Variants in GALNT2 observed in about 807,000 individuals in gnomAD.
GALNT2 encodes the protein UDP-GalNAc:polypeptide N-acetylgalactosaminyltransferase 2.
A neutral mutation model predicts 81.4 loss-of-function variants in GALNT2; 31 were observed. That is an observed-to-expected ratio of 0.38 (90% CI 0.29 to 0.51). The LOEUF is 0.51. Among genes scored for constraint, GALNT2 ranks in the 20% least tolerant of loss-of-function variants. GALNT2 has a pLI of 0.87. For synonymous variants in GALNT2, 303 were observed against 287.4 expected, an observed-to-expected ratio of 1.05 and a Z score of -0.55; for missense variants, 629 against 765.7, an observed-to-expected ratio of 0.82 and a Z score of 2.11.
chr1:230,258,917 T>C (rs1665797099), intron 11 of GALNT2: 1 of 152,204 alleles, frequency 6.6e-6, no homozygotes, highest in African/African-American at 2.4e-5. Flanking sequence ...TTGCACTCTT[T>C]GTTAGAAGAG....
intron 1 of GALNT2, among the ~76,000 whole-genome samples, chr1:230,143,387 T>C (rs990833999): frequency 6.6e-6 from 1 of 152,184 alleles, no homozygotes; most frequent in Non-Finnish European, 1.5e-5. Flanking sequence ...CTGGAGACAT[T>C]CGAGAGCAGA....
At chr1:230,240,161 A>G (rs1434843537) in intron 6 of GALNT2, among the ~76,000 whole-genome samples, 6 of 152,186 alleles carry the variant, frequency 3.9e-5, no homozygotes, top group Admixed American at 3.9e-4. Context: ...TAGCCCGAAT[A>G]ATTTTCTTTA....
intron 1 of GALNT2, among the ~76,000 whole-genome samples, chr1:230,096,281 G>A (rs1449942824): frequency 3.9e-5 from 6 of 152,210 alleles, no homozygotes; most frequent in Non-Finnish European, 7.3e-5. Flanking sequence ...TTAATTATGT[G>A]CTTATCTGTG....
chr1:230,058,993 C>A (rs186068277), intron 1 of GALNT2, among the ~76,000 whole-genome samples: 1 of 152,252 alleles, frequency 6.6e-6, no homozygotes, highest in Admixed American at 6.5e-5. Context: ...GAGGGGCGTG[C>A]GAACGAGTTC....
chr1:230,146,041 C>T (rs910972854), intron 1 of GALNT2, among the ~76,000 whole-genome samples: 3 of 152,130 alleles, frequency 2.0e-5, no homozygotes, highest in African/African-American at 7.2e-5. Context: ...TGTGAGGGTT[C>T]TTTTTTCTCT....
At chr1:230,115,006 CTTT>C (rs10666711) in intron 1 of GALNT2, among the ~76,000 whole-genome samples, 1 of 129,334 alleles carries the variant, frequency 7.7e-6, no homozygotes, top group Admixed American at 8.2e-5. Flanking sequence ...AGGGTTCACT[CTTT>C]TTTTTTTTTT....
chr1:230,105,011 T>C (rs1006364809), intron 1 of GALNT2, among the ~76,000 whole-genome samples: 3 of 152,216 alleles, frequency 2.0e-5, no homozygotes, highest in Non-Finnish European at 4.4e-5. Flanking sequence ...AGTGGCGCTG[T>C]GGATTCAGAC....
rs749391331 is a variant in GALNT2, at chr1:230,155,841, A to C, written c.127-22377A>C. Among the ~76,000 whole-genome samples the C allele has an allele frequency of 3.3e-5, 5 of 152,208 alleles. No homozygotes were observed. The South Asian group carries it at 6.2e-4, about 19-fold the overall frequency. On this transcript the variant is annotated intron_variant, in intron 1 of 15. Coordinates refer to ENST00000366672, the MANE Select transcript of GALNT2 (RefSeq NM_004481.5). ...GCTAAGACATTCGGCGTCAACCTCC[A>C]GTTCACTCAGGAGTTCTGAGTGGAG...
At chr1:230,214,113 T>C (rs1328373783) in intron 3 of GALNT2, among the ~76,000 whole-genome samples, 1 of 118,046 alleles carries the variant, frequency 8.5e-6, no homozygotes. Context: ...ATCTTAACTT[T>C]ACTTTTTTTT....
In GALNT2 at chr1:230,183,881, G is replaced by C. The variant is rs555301752; in HGVS notation, c.220+5570G>C. Among the ~76,000 whole-genome samples, 25 of 152,154 alleles carry C rather than the reference G, an allele frequency of 1.6e-4. No homozygotes were observed. In the South Asian group the frequency reaches 4.8e-3, roughly 29 times the overall value. ...TAATTCCAGCCACCTGGGAGGCTGA[G>C]GCAGGAGAATCGCTGGAACCTGGGA... On this transcript the variant is annotated intron_variant, in intron 2 of 15. Transcript: ENST00000366672.
chr1:230,233,477 G>A (rs1212158114), intron 3 of GALNT2, among the ~76,000 whole-genome samples: 1 of 152,166 alleles, frequency 6.6e-6, no homozygotes, highest in African/African-American at 2.4e-5. Context: ...GCCAGGCATG[G>A]TGATGGGCAC....
intron 14 of GALNT2, among the ~76,000 whole-genome samples, chr1:230,274,004 G>A (rs889076435): frequency 2.0e-5 from 3 of 152,196 alleles, no homozygotes; most frequent in African/African-American, 7.2e-5. Context: ...AATGCTGTTT[G>A]CAGGCCATAC....
intron 1 of GALNT2, among the ~76,000 whole-genome samples, chr1:230,120,556 T>G (rs142145472): frequency 6.6e-6 from 1 of 152,132 alleles, no homozygotes; most frequent in Non-Finnish European, 1.5e-5. Flanking sequence ...CCCTCCAGTG[T>G]CGCCTGTGCC....
At chr1:230,153,840 C>T (rs958192581) in intron 1 of GALNT2, among the ~76,000 whole-genome samples, 2 of 152,222 alleles carry the variant, frequency 1.3e-5, no homozygotes, top group Non-Finnish European at 2.9e-5. Context: ...ACCATTCACT[C>T]TGTGGAGGGG....
At chr1:230,172,677 C>T (rs1341549374) in intron 1 of GALNT2, among the ~76,000 whole-genome samples, 1 of 152,180 alleles carries the variant, frequency 6.6e-6, no homozygotes, top group Admixed American at 6.5e-5. Context: ...TCCTCCACTC[C>T]CCTGACCACT....
At chr1:230,249,333 G>T in intron 9 of GALNT2, 62 bp downstream of exon 9, 2 of 1,477,060 alleles carry the variant, frequency 1.4e-6, no homozygotes, top group Non-Finnish European at 1.9e-6. Flanking sequence ...CAGCTTCTTT[G>T]CTGGGCCCGC....
intron 1 of GALNT2, among the ~76,000 whole-genome samples, chr1:230,119,385 G>A (rs933118294): frequency 6.6e-6 from 1 of 152,094 alleles, no homozygotes; most frequent in African/African-American, 2.4e-5. Context: ...ATGTGAAGTC[G>A]GGTGTAGAGC....
intron 3 of GALNT2, among the ~76,000 whole-genome samples, chr1:230,233,967 G>A (rs915153530): frequency 6.6e-6 from 1 of 152,130 alleles, no homozygotes; most frequent in African/African-American, 2.4e-5. Context: ...CAGGGTCTCG[G>A]GGAGGTGGCA....
chr1:230,202,766 C>A (rs559919498), intron 2 of GALNT2, among the ~76,000 whole-genome samples: 2 of 152,060 alleles, frequency 1.3e-5, no homozygotes, highest in South Asian at 2.1e-4. Flanking sequence ...TCTTCTTCAC[C>A]CTACCTGAGA....
Sources: allele counts gnomAD v4.1 joint callset (sites outside exome capture counted in the v4.1 genomes callset), GRCh38; gene constraint gnomAD v4.1.1; transcripts MANE v1.5; gene names NCBI Gene and HGNC (gene_info 2026-07-23, HGNC 2026-07-21).